Variants in MX2 observed in about 807,000 individuals in gnomAD.
MX2 encodes the protein MX dynamin like GTPase 2.
MX2 carries 51 observed loss-of-function variants against 74.0 expected under a neutral mutation model. The ratio of observed to expected loss-of-function variants is 0.69; its 90% CI spans 0.55 to 0.87. MX2 has a LOEUF of 0.87. Among genes scored for constraint, MX2 ranks in the 40% least tolerant of loss-of-function variants. The pLI, the probability that MX2 is intolerant of heterozygous loss-of-function variation, is 0.00. For synonymous variants in MX2, 369 were observed against 339.3 expected, an observed-to-expected ratio of 1.09 and a Z score of -0.96; for missense variants, 832 against 908.7, an observed-to-expected ratio of 0.92 and a Z score of 1.09.
chr21:41,377,674 C>A, intron 2 of MX2, 115 bp from the exon 3 acceptor site: 1 of 1,133,652 alleles, frequency 8.8e-7, no homozygotes. Context: ...ACCTTCTCAC[C>A]TCCTGTCTGC....
At chr21:41,403,491 A>T in intron 12 of MX2, 148 bp downstream of exon 12, 1 of 771,830 alleles carries the variant, frequency 1.3e-6, no homozygotes, top group South Asian at 1.4e-5. Context: ...GGGCTGGTGG[A>T]GCTGGTGACT....
chr21:41,380,895 G>T lies in MX2; in HGVS notation c.577+744G>T, dbSNP rs570506595. ...CTCCCCTATCCTGCCTGCACAGCCT[G>T]TCCTGGACTCAGCCAGGATAGATGG... On this transcript the variant is annotated intron_variant, in intron 4 of 13. Transcript: ENST00000330714. This position sits in a 1 kb window ranked among gnomAD's most constrained non-coding sequence, Gnocchi z 4.3. Among the ~76,000 whole-genome samples, 2 of 152,178 alleles carry T rather than the reference G, an allele frequency of 1.3e-5. No individual in the cohort carries two copies. The highest frequency in any genetic ancestry group is 4.8e-5 in the African/African-American group (2 of 41,446).
chr21:41,406,757 A>G lies in MX2; in HGVS notation c.1664A>G (p.Asp555Gly). The G allele has an allele frequency of 5.0e-6, 8 of 1,614,078 alleles. No homozygotes were observed. Among genetic ancestry groups the G allele is most frequent in the Non-Finnish European group, 6.8e-6 (8 of 1,179,972 alleles). ...TTATCTAACCAGAGCACGATTGAAG[A>G]CATAAAAGTGAAACACACAGCAAAG... ...LNQTVQSTIE[D>G]IKVKHTAKAE... The change falls in exon 13 of 14, where the codon GAC becomes GGC. Residue 555 changes from aspartate (D) to glycine (G), a missense_variant. Transcript: ENST00000330714.
intron 1 of MX2, chr21:41,364,849 A>G (rs2089250225): frequency 6.6e-6 from 1 of 152,132 alleles, no homozygotes; most frequent in Non-Finnish European, 1.5e-5. Context: ...CTCTCTTTTC[A>G]CATTTTTCAG....
chr21:41,377,383 C>T (rs1009267883), intron 2 of MX2, among the ~76,000 whole-genome samples: 3 of 152,192 alleles, frequency 2.0e-5, no homozygotes, highest in African/African-American at 7.2e-5. Context: ...GCGGGGGTCC[C>T]CTTCCTGGAG....
intron 5 of MX2, 145 bp downstream of exon 5, chr21:41,382,709 C>T (rs972049256): frequency 6.5e-6 from 7 of 1,083,194 alleles, no homozygotes; most frequent in East Asian, 2.5e-5. Context: ...GTGGGGGCCT[C>T]ATGCCCAGGT....
intron 4 of MX2, among the ~76,000 whole-genome samples, chr21:41,382,172 T>C (rs987957678): frequency 6.6e-6 from 1 of 152,214 alleles, no homozygotes; most frequent in African/African-American, 2.4e-5. Flanking sequence ...ATAGCTAACA[T>C]ACCAGAATCT....
intron 4 of MX2, among the ~76,000 whole-genome samples, chr21:41,381,119 G>A (rs374564348): frequency 1.2e-4 from 19 of 152,336 alleles, no homozygotes; most frequent in Admixed American, 2.6e-4. Context: ...AAATAGAGAG[G>A]TCTTCACTCC....
chr21:41,401,139 G>A (rs1480910913), intron 10 of MX2: 1 of 149,012 alleles, frequency 6.7e-6, no homozygotes, highest in Non-Finnish European at 1.5e-5. Context: ...ATTACAATTT[G>A]AGATGAGATT....
intron 1 of MX2, among the ~76,000 whole-genome samples, chr21:41,374,394 G>A (rs527588668): frequency 1.8e-3 from 281 of 152,342 alleles, no homozygotes; most frequent in Non-Finnish European, 2.9e-3. Flanking sequence ...GCCCCTCGCC[G>A]AGTGGAGCCT....
At chr21:41,395,933 G>C in intron 7 of MX2, 148 bp downstream of exon 7, 1 of 737,376 alleles carries the variant, frequency 1.4e-6, no homozygotes, top group South Asian at 1.9e-5. Context: ...TAGATTTCTT[G>C]GCTTATTTAG....
Position 41,398,978 on chromosome 21 carries a change from AT to A in MX2, c.1232del (p.Ile411ThrfsTer12), listed in dbSNP as rs1216436317. 3.1e-6 allele frequency: 5 copies of A among 1,614,010 alleles called. No individual in the cohort carries two copies. Among genetic ancestry groups the A allele is most frequent in the Non-Finnish European group, 4.2e-6 (5 of 1,179,880 alleles). Reference sequence around the variant, plus strand: ...GGAGCTGCGGCGTTGCGGGGCTGACATCCCCAGCCAGGAGGCCGACAAGATG... The same window carrying A: ...GGAGCTGCGGCGTTGCGGGGCTGACACCCCAGCCAGGAGGCCGACAAGATG... ...TEELRRCGAD[I>X]PSQEADKMFF... is the part of the protein sequence containing the mutation. On this transcript the variant is annotated frameshift_variant, in exon 9 of 14. Transcript: ENST00000330714. LOFTEE classifies it high-confidence loss of function.
intron 5 of MX2, chr21:41,390,332 A>T: frequency 2.0e-6 from 1 of 504,216 alleles, no homozygotes; most frequent in Non-Finnish European, 3.6e-6. Context: ...GGGGGTCTTC[A>T]GGAAAGAAGA....
rs546130374 is a variant in MX2 at position 41,380,703 on chromosome 21, G to A, written c.577+552G>A. Among the ~76,000 whole-genome samples the A allele has an allele frequency of 4.6e-5, 7 of 152,262 alleles. No individual in the cohort carries two copies. Among genetic ancestry groups the A allele is most frequent in the Non-Finnish European group, 5.9e-5 (4 of 68,018 alleles). On this transcript the variant is annotated intron_variant, in intron 4 of 13. Coordinates refer to ENST00000330714, the MANE Select transcript of MX2 (RefSeq NM_002463.2). The surrounding 1 kb of genome is among the most constrained non-coding windows in gnomAD (Gnocchi z 4.3). ...TGCAGACCCCTCTCACCCAGCTGTG[G>A]AACAAGTTTCCCAATGCTTGTTCTT...
intron 5 of MX2, among the ~76,000 whole-genome samples, chr21:41,389,063 A>G (rs941021343): frequency 3.9e-5 from 6 of 152,200 alleles, no homozygotes; most frequent in African/African-American, 1.4e-4. Context: ...TCAGCAGGAC[A>G]GCCCCATGGG....
At chr21:41,395,160 G>A (rs566254814) in intron 6 of MX2, among the ~76,000 whole-genome samples, 2 of 152,178 alleles carry the variant, frequency 1.3e-5, no homozygotes, top group South Asian at 4.2e-4. Flanking sequence ...AGGGGGAGAG[G>A]AAAGTGGGAA....
At chr21:41,384,801 T>C (rs903104543) in intron 5 of MX2, among the ~76,000 whole-genome samples, 19 of 148,856 alleles carry the variant, frequency 1.3e-4, no homozygotes, top group Admixed American at 2.7e-4. Context: ...ATCGTGCCAC[T>C]GGACTCCAGC....
At chr21:41,387,721 C>T (rs1429922661) in intron 5 of MX2, among the ~76,000 whole-genome samples, 4 of 152,188 alleles carry the variant, frequency 2.6e-5, no homozygotes, top group South Asian at 2.1e-4. Flanking sequence ...TATTTCAAGC[C>T]CAGCTCTCTC....
At position 41,380,034 on chromosome 21, in the gene MX2, C is replaced by G. The variant is rs2089466773; in HGVS notation, c.460C>G (p.Pro154Ala). The G allele has an allele frequency of 1.2e-6, 2 of 1,614,024 alleles. No homozygotes were observed. Among genetic ancestry groups the G allele is most frequent in the Non-Finnish European group, 1.7e-6 (2 of 1,179,924 alleles). ...PRGSGIVTRC[P>A]LVLKLKKQPC... ...TCGCTCAGGAATCGTAACCAGGTGT[C>G]CGCTGGTGCTGAAACTGAAAAAGCA... Residue 154 changes from proline to alanine, a missense_variant, in exon 4 of 14, where the codon CCG becomes GCG. Transcript: ENST00000330714. The surrounding 1 kb of genome is among the most constrained non-coding windows in gnomAD (Gnocchi z 4.3).
Sources: allele counts gnomAD v4.1 joint callset (sites outside exome capture counted in the v4.1 genomes callset), GRCh38; gene constraint gnomAD v4.1.1; non-coding constraint Gnocchi (gnomAD v3.1); transcripts MANE v1.5; gene names NCBI Gene and HGNC (gene_info 2026-07-23, HGNC 2026-07-21).